CTTNBP2: variants seen among roughly 807,000 people sequenced by gnomAD.
CTTNBP2 encodes the protein cortactin-binding protein 2.
Under a neutral mutation model 156.9 loss-of-function variants are expected in CTTNBP2, and 108 were observed. The observed-to-expected ratio is 0.69, with a 90% CI of 0.59 to 0.81. The LOEUF (loss-of-function observed/expected upper bound fraction) is 0.81, where lower values mean the gene tolerates loss of function less well. Ranked by LOEUF, CTTNBP2 falls within the 30% of genes least tolerant of loss-of-function variation. The probability of loss-of-function intolerance (pLI) is 0.00; values close to 1 mark genes in which losing one functional copy is unlikely to be tolerated. For synonymous variants in CTTNBP2, 767 were observed against 751.8 expected, an observed-to-expected ratio of 1.02 and a Z score of -0.33; for missense variants, 1,924 against 2,035.4, an observed-to-expected ratio of 0.95 and a Z score of 1.05.
intron 17 of CTTNBP2, among the ~76,000 whole-genome samples, chr7:117,726,005 C>A (rs745704584): frequency 1.3e-5 from 2 of 152,134 alleles, no homozygotes; most frequent in African/African-American, 2.4e-5. Context: ...GTATAATCAC[C>A]GGCAAATTAA....
intron 1 of CTTNBP2, 28 bp downstream of exon 1, chr7:117,873,307 C>A: frequency 1.4e-6 from 2 of 1,417,960 alleles, no homozygotes; most frequent in South Asian, 1.5e-5. Context: ...CTACACTAGC[C>A]CCGCGCCCGC....
chr7:117,857,476 A>G (rs1803405562), intron 2 of CTTNBP2, among the ~76,000 whole-genome samples: 2 of 152,222 alleles, frequency 1.3e-5, no homozygotes, highest in African/African-American at 2.4e-5. Flanking sequence ...GCAATTTTTA[A>G]TAACTTGAAA....
chr7:117,815,162 G>C (rs867642504), intron 2 of CTTNBP2, among the ~76,000 whole-genome samples: 2 of 151,932 alleles, frequency 1.3e-5, no homozygotes, highest in Non-Finnish European at 2.9e-5. Context: ...TTATAGCAAG[G>C]GTTTCTAGAA....
At chr7:117,838,603 G>T (rs1802088353) in intron 2 of CTTNBP2, among the ~76,000 whole-genome samples, 1 of 152,114 alleles carries the variant, frequency 6.6e-6, no homozygotes, top group South Asian at 2.1e-4. Flanking sequence ...TAATAGACAT[G>T]AATTCAGTCA....
At chr7:117,777,976 T>C (rs1190471421) in intron 7 of CTTNBP2, among the ~76,000 whole-genome samples, 1 of 152,196 alleles carries the variant, frequency 6.6e-6, no homozygotes, top group Non-Finnish European at 1.5e-5. Context: ...TGACTCATGT[T>C]TGCTATTTTG....
Position 117,711,418 on chromosome 7 carries a change from G to T in CTTNBP2, c.*119C>A. On this transcript the variant is annotated 3_prime_UTR_variant, in exon 23 of 23. Transcript: ENST00000160373. ...CAAAAAAAAATTGAATAGTGGTCCC[G>T]CACTCATAATTTATATTACAGTGAA... The T allele has an allele frequency of 8.8e-7, 1 of 1,142,306 alleles. No individual in the cohort carries two copies. Among genetic ancestry groups the T allele is most frequent in the Non-Finnish European group, 1.2e-6 (1 of 809,606 alleles). 70.8% of individuals were successfully genotyped at this position (1,142,306 alleles called of 1,614,324 possible). A position where few individuals can be genotyped will look rare whatever the true frequency, so the allele number is the denominator to read the frequency against.
intron 22 of CTTNBP2, among the ~76,000 whole-genome samples, chr7:117,714,684 G>GT (rs1471969300): frequency 7.9e-5 from 12 of 152,196 alleles, no homozygotes; most frequent in African/African-American, 2.9e-4. Context: ...AAAACATGTA[G>GT]TTTGGTCAGT....
intron 3 of CTTNBP2, among the ~76,000 whole-genome samples, chr7:117,802,320 C>A (rs552937220): frequency 6.6e-6 from 1 of 151,560 alleles, no homozygotes; most frequent in East Asian, 1.9e-4. Context: ...TGGACCCACA[C>A]CTTTCAACAT....
At chr7:117,809,036 ACTC>A (rs1379445400) in intron 3 of CTTNBP2, among the ~76,000 whole-genome samples, 1 of 151,906 alleles carries the variant, frequency 6.6e-6, no homozygotes, top group Admixed American at 6.6e-5. Context: ...GCTATAAAGG[ACTC>A]CTGTATTCCC....
chr7:117,797,027 A>G (rs527654974), intron 3 of CTTNBP2, among the ~76,000 whole-genome samples: 1 of 152,370 alleles, frequency 6.6e-6, no homozygotes, highest in East Asian at 1.9e-4. Flanking sequence ...AAAGGAGCCA[A>G]TAGCATTGGA....
At chr7:117,738,133 C>G (rs542182167) in intron 14 of CTTNBP2, among the ~76,000 whole-genome samples, 113 of 152,270 alleles carry the variant, frequency 7.4e-4, no homozygotes, top group African/African-American at 2.6e-3. Context: ...CTGCAGGAAT[C>G]GCTGGACCCA....
chr7:117,722,887 G>C (rs1194443566), intron 19 of CTTNBP2, among the ~76,000 whole-genome samples: 1 of 152,198 alleles, frequency 6.6e-6, no homozygotes, highest in Non-Finnish European at 1.5e-5. Flanking sequence ...TTCCAGGAGA[G>C]GTGATTTGGA....
intron 1 of CTTNBP2, among the ~76,000 whole-genome samples, chr7:117,864,783 C>A (rs1285379987): frequency 1.5e-5 from 2 of 133,300 alleles, no homozygotes; most frequent in African/African-American, 2.9e-5. Context: ...AATATATATT[C>A]ATATATATTC....
intron 3 of CTTNBP2, among the ~76,000 whole-genome samples, chr7:117,803,792 T>C (rs967345431): frequency 6.6e-6 from 1 of 152,090 alleles, no homozygotes. Flanking sequence ...GAGCCAATAA[T>C]ATTCTTGAAG....
intron 3 of CTTNBP2, among the ~76,000 whole-genome samples, chr7:117,801,206 C>T (rs1799588775): frequency 6.6e-6 from 1 of 152,170 alleles, no homozygotes; most frequent in Non-Finnish European, 1.5e-5. Context: ...CTAAAACTAG[C>T]AGGTGAACAT....
chr7:117,797,733 A>AG (rs1799397490), intron 3 of CTTNBP2, among the ~76,000 whole-genome samples: 1 of 152,168 alleles, frequency 6.6e-6, no homozygotes, highest in Non-Finnish European at 1.5e-5. Context: ...TTGAAAATAA[A>AG]GCAAAAGCAA....
Position 117,792,295 on chromosome 7 carries a change from C to A in CTTNBP2, c.901G>T (p.Val301Leu). 6.2e-7 allele frequency: 1 copy of A among 1,614,242 alleles called. No individual in the cohort carries two copies. Among genetic ancestry groups the A allele is most frequent in the Non-Finnish European group, 8.5e-7 (1 of 1,180,046 alleles). ...GTCTGGCATGCAACAGACCTTGTCA[C>A]AGTTCCTTCTGTTCCCACAGATATG... is the stretch of plus-strand genomic sequence containing the variant. The part of the protein sequence containing the change: ...VSISVGTEGT[V>L]TRSVACQTDL... The change falls in exon 4 of 23, where the codon GTG (valine) becomes TTG (leucine). Residue 301 changes from valine to leucine, a missense_variant. Val to Leu is a conservative substitution (Grantham distance 32). Coordinates refer to ENST00000160373, the MANE Select transcript of CTTNBP2 (RefSeq NM_033427.3). This position sits in a 1 kb window ranked among gnomAD's most constrained non-coding sequence, Gnocchi z 4.2.
At chr7:117,765,092 C>T (rs945290443) in intron 9 of CTTNBP2, among the ~76,000 whole-genome samples, 9 of 152,112 alleles carry the variant, frequency 5.9e-5, no homozygotes, top group Non-Finnish European at 1.2e-4. Context: ...TATGCCACCA[C>T]GCCCAGATAA....
chr7:117,826,896 C>A (rs1275930766), intron 2 of CTTNBP2, among the ~76,000 whole-genome samples: 1 of 150,290 alleles, frequency 6.7e-6, no homozygotes, highest in Admixed American at 6.7e-5. Context: ...GAGTCTCACT[C>A]TGCTGTCCAG....
Sources: gnomAD v4.1 joint callset for allele counts (sites outside exome capture counted in the v4.1 genomes callset) on GRCh38, gnomAD v4.1.1 for gene constraint, Gnocchi (gnomAD v3.1) non-coding constraint, MANE v1.5 for transcripts, NCBI Gene and HGNC (gene_info 2026-07-23, HGNC 2026-07-21) for gene names.